Variants in GPAT3 observed in about 807,000 individuals in gnomAD.
The protein encoded by GPAT3 is 1-AGP acyltransferase 9.
GPAT3 carries 53 observed loss-of-function variants against 58.8 expected under a neutral mutation model. The observed-to-expected ratio is 0.90, with a 90% confidence interval of 0.72 to 1.13. GPAT3 has a LOEUF of 1.13. GPAT3 is among the 50% of genes most tolerant of loss of function. The pLI, the probability that GPAT3 is intolerant of heterozygous loss-of-function variation, is 0.00. For synonymous variants in GPAT3, 197 were observed against 187.4 expected (o/e 1.05, Z -0.42); for missense variants, 511 against 527.6 (o/e 0.97, Z 0.31).
At chr4:83,583,667 GAAAAAAAAAAAAAAAA>G (rs749976752) in intron 3 of GPAT3, among the ~76,000 whole-genome samples, 1 of 23,462 alleles carries the variant, frequency 4.3e-5, no homozygotes, top group African/African-American at 1.9e-4. Context: ...ACTCTTGTCT[GAAAAAAAAAAAAAAAA>G]AAAAAAAAAA....
At chr4:83,545,781 T>C (rs113880547) in intron 2 of GPAT3, among the ~76,000 whole-genome samples, 1 of 152,126 alleles carries the variant, frequency 6.6e-6, no homozygotes, top group Non-Finnish European at 1.5e-5. Flanking sequence ...AAAATTATTC[T>C]GGTTCATTAA....
At chr4:83,590,155 G>A (rs367955446) in intron 5 of GPAT3, 44 bp from the exon 6 acceptor site, 5 of 1,542,222 alleles carry the variant, frequency 3.2e-6, no homozygotes, top group Non-Finnish European at 3.6e-6. Flanking sequence ...ACATGCTGTG[G>A]CTATTTTAGA....
chr4:83,579,081 C>CCCTT (rs778000097), intron 2 of GPAT3, among the ~76,000 whole-genome samples: 1,505 of 19,440 alleles, frequency 0.077, 104 homozygotes, highest in Admixed American at 0.091. Flanking sequence ...TTTCTTTCTT[C>CCCTT]CCTTCCTTCC....
At chr4:83,582,466 A>G (rs1457743705) in intron 3 of GPAT3, among the ~76,000 whole-genome samples, 1 of 152,196 alleles carries the variant, frequency 6.6e-6, no homozygotes, top group South Asian at 2.1e-4. Flanking sequence ...CATGAGTAGA[A>G]GGCACTGCGT....
intron 2 of GPAT3, among the ~76,000 whole-genome samples, chr4:83,571,371 A>C (rs1233775680): frequency 6.6e-6 from 1 of 151,932 alleles, no homozygotes; most frequent in Non-Finnish European, 1.5e-5. Context: ...ATGTTTGTGC[A>C]CTCTCAGCAG....
intron 1 of GPAT3, among the ~76,000 whole-genome samples, chr4:83,537,589 A>ATGTGTG (rs1491311222): frequency 7.2e-5 from 9 of 125,392 alleles, no homozygotes; most frequent in African/African-American, 2.7e-4. Context: ...TATATGTATA[A>ATGTGTG]TATGTGTGTG....
At chr4:83,559,806 G>A (rs1449001911) in intron 2 of GPAT3, among the ~76,000 whole-genome samples, 1 of 152,172 alleles carries the variant, frequency 6.6e-6, no homozygotes, top group Non-Finnish European at 1.5e-5. Flanking sequence ...AGATGAGGGG[G>A]GCAGGTGGCA....
chr4:83,582,823 G>A (rs896107266), intron 3 of GPAT3, among the ~76,000 whole-genome samples: 2 of 152,058 alleles, frequency 1.3e-5, no homozygotes, highest in African/African-American at 4.8e-5. Flanking sequence ...AGACATTGGG[G>A]CATAGTATGT....
At position 83,566,947 on chromosome 4, in the gene GPAT3, ATTG is replaced by A. The variant is rs1308126086; in HGVS notation, c.209-14609_209-14607del. 2.0e-5 allele frequency among the ~76,000 whole-genome samples: 3 copies of A among 152,062 alleles called. No individual in the cohort carries two copies. In the East Asian group the frequency reaches 5.8e-4, roughly 29 times the overall value. ...GTTCTTCCATTATATTTTCTAAATAATTGTTGTTCATGTATAGGAAAATTTTCT... is the reference window on the plus strand; with the variant it reads ...GTTCTTCCATTATATTTTCTAAATAATTGTTCATGTATAGGAAAATTTTCT... On this transcript the variant is annotated intron_variant, in intron 2 of 11. Coordinates refer to ENST00000264409, the MANE Select transcript of GPAT3 (RefSeq NM_032717.5).
chr4:83,581,869 A>C (rs924696172), intron 3 of GPAT3, 37 bp downstream of exon 3: 3 of 1,569,854 alleles, frequency 1.9e-6, no homozygotes, highest in African/African-American at 2.7e-5. Flanking sequence ...GATACGCTTG[A>C]CTCAGCTTTC....
At chr4:83,574,624 A>ATTTTTTTTTTTT (rs561972057) in intron 2 of GPAT3, among the ~76,000 whole-genome samples, 25 of 55,592 alleles carry the variant, frequency 4.5e-4, no homozygotes, top group Non-Finnish European at 5.2e-4. Context: ...AGTAAAATGA[A>ATTTTTTTTTTTT]TTTTTTTTTT....
In GPAT3 at chr4:83,568,359, G is replaced by A. The variant is rs1725480319; in HGVS notation, c.209-13203G>A. On this transcript the variant is annotated intron_variant, in intron 2 of 11. Coordinates refer to ENST00000264409, the MANE Select transcript of GPAT3 (RefSeq NM_032717.5). ...TGAGCACATTTCATGTATATTAAAG[G>A]TCATCATAGTTGTGATGACTTCTTC... Among the ~76,000 whole-genome samples, 2 of 152,050 alleles carry A rather than the reference G, an allele frequency of 1.3e-5. 1 individual carries two copies. The highest frequency in any genetic ancestry group is 2.9e-5 in the Non-Finnish European group (2 of 68,004).
chr4:83,551,943 A>AC (rs1243228542), intron 2 of GPAT3, among the ~76,000 whole-genome samples: 1 of 152,052 alleles, frequency 6.6e-6, no homozygotes, highest in East Asian at 1.9e-4. Flanking sequence ...GAAAACCCCA[A>AC]CCAAATAAAA....
At chr4:83,561,786 C>G (rs1426131009) in intron 2 of GPAT3, among the ~76,000 whole-genome samples, 2 of 150,502 alleles carry the variant, frequency 1.3e-5, no homozygotes, top group Non-Finnish European at 2.9e-5. Context: ...AACTAATATC[C>G]TTTTTCCCCC....
intron 1 of GPAT3, among the ~76,000 whole-genome samples, chr4:83,539,588 T>C (rs1466556937): frequency 6.6e-6 from 1 of 152,232 alleles, no homozygotes; most frequent in African/African-American, 2.4e-5. Context: ...CTTTATGCTC[T>C]TCTCTGACTC....
intron 7 of GPAT3, 81 bp downstream of exon 7, chr4:83,595,041 G>A: frequency 5.0e-6 from 6 of 1,209,602 alleles, no homozygotes; most frequent in Non-Finnish European, 7.3e-6. Context: ...AGAGGGCCGA[G>A]CAGCACTGAG....
intron 2 of GPAT3, among the ~76,000 whole-genome samples, chr4:83,551,196 T>C (rs1226884758): frequency 2.6e-5 from 4 of 152,220 alleles, no homozygotes; most frequent in African/African-American, 4.8e-5. Flanking sequence ...AAAGTTAATA[T>C]GTAAGCTGAT....
intron 2 of GPAT3, among the ~76,000 whole-genome samples, chr4:83,562,722 T>C (rs980124868): frequency 6.6e-6 from 1 of 150,856 alleles, no homozygotes; most frequent in African/African-American, 2.4e-5. Flanking sequence ...AAGAGATGAA[T>C]GAACAAGACA....
intron 2 of GPAT3, among the ~76,000 whole-genome samples, chr4:83,553,771 GGAGTCTGAGGTGGGAAGATCTCTT>G (rs1175756762): frequency 1.3e-5 from 2 of 151,940 alleles, no homozygotes; most frequent in African/African-American, 2.4e-5. Context: ...TGGCGACTCA[GGAGTCTGAGGTGGGAAGATCTCTT>G]GAGCCCGGGA....
Sources: allele counts gnomAD v4.1 joint callset (sites outside exome capture counted in the v4.1 genomes callset), GRCh38; gene constraint gnomAD v4.1.1; transcripts MANE v1.5; gene names NCBI Gene and HGNC (gene_info 2026-07-23, HGNC 2026-07-21).